SPOPL: variants seen among roughly 807,000 people sequenced by gnomAD.
SPOPL encodes speckle type BTB/POZ protein like, also known as speckle-type POZ protein-like.
In SPOPL, 23 loss-of-function variants were observed where a neutral mutation model predicts 53.8. That is an observed-to-expected ratio of 0.43 (90% CI 0.31 to 0.61). The LOEUF (loss-of-function observed/expected upper bound fraction) is 0.61. Among genes scored for constraint, SPOPL ranks in the 20% least tolerant of loss-of-function variants. The probability of loss-of-function intolerance (pLI) is 0.12; values close to 1 mark genes in which losing one functional copy is unlikely to be tolerated. For missense variants in SPOPL, 442 were observed against 466.9 expected, an observed-to-expected ratio of 0.95 and a Z score of 0.49; for synonymous variants, 164 against 149.7, an observed-to-expected ratio of 1.10 and a Z score of -0.70.
chr2:138,512,874 A>T (rs1375776900), intron 1 of SPOPL, among the ~76,000 whole-genome samples: 1 of 152,194 alleles, frequency 6.6e-6, no homozygotes. Flanking sequence ...ACTATTTGGG[A>T]TTTATTAAGT....
intron 1 of SPOPL, among the ~76,000 whole-genome samples, chr2:138,534,542 A>C (rs1468370854): frequency 1.3e-5 from 2 of 152,204 alleles, no homozygotes; most frequent in East Asian, 3.8e-4. Flanking sequence ...TTTTAATCAC[A>C]AAAGAAATGT....
At chr2:138,537,870 A>G (rs1044027287) in intron 1 of SPOPL, among the ~76,000 whole-genome samples, 2 of 151,836 alleles carry the variant, frequency 1.3e-5, no homozygotes, top group Non-Finnish European at 1.5e-5. Context: ...TTTTCACCAA[A>G]TTTTCTGGGG....
chr2:138,529,524 GTGTGTGTGTGTT>G, intron 1 of SPOPL, among the ~76,000 whole-genome samples: 1 of 148,210 alleles, frequency 6.7e-6, no homozygotes, highest in Non-Finnish European at 1.5e-5. Flanking sequence ...GTGTGTGTGT[GTGTGTGTGTGTT>G]TGCGTGCGCG....
intron 1 of SPOPL, among the ~76,000 whole-genome samples, chr2:138,541,421 G>A (rs896611640): frequency 5.3e-5 from 8 of 152,162 alleles, no homozygotes; most frequent in South Asian, 2.1e-4. Context: ...CAATTTCAGA[G>A]CCTGTTATTG....
chr2:138,539,527 T>A (rs935825752), intron 1 of SPOPL, among the ~76,000 whole-genome samples: 39 of 152,396 alleles, frequency 2.6e-4, no homozygotes, highest in Admixed American at 5.9e-4. Context: ...TTCATGTGTC[T>A]GTTGGCTGCA....
In SPOPL at chr2:138,565,002, A is replaced by G. The variant is rs561151208; in HGVS notation, c.1034+9A>G. ...AAAAACTGGAACAGCAAGTAAGATG[A>G]CATCAGTTTCTGACTCAAAGTTGCT... On this transcript the variant is annotated intron_variant, in intron 10 of 10. Transcript: ENST00000280098. 3.7e-6 allele frequency: 6 copies of G among 1,613,866 alleles called. No homozygotes were observed. The South Asian group carries it at 5.5e-5, about 15-fold the overall frequency.
In SPOPL at chr2:138,564,843, A is replaced by C. The variant is rs144951973; in HGVS notation, c.973A>C (p.Ile325Leu). The C allele has an allele frequency of 3.7e-6, 6 of 1,614,070 alleles. No individual in the cohort carries two copies. The highest frequency in any genetic ancestry group is 5.1e-6 in the Non-Finnish European group (6 of 1,180,012). ...GTTGAAAGCACAAGCCATAGACTTTATTAATAGGTAAGCTATGCTTGTATT... is the reference window on the plus strand; with the variant it reads ...GTTGAAAGCACAAGCCATAGACTTTCTTAATAGGTAAGCTATGCTTGTATT... ...EQLKAQAIDF[I>L]NRCSVLRQLG... Residue 325 changes from isoleucine to leucine, a missense_variant, in exon 9 of 11, where the codon ATT becomes CTT. Physicochemically the swap from Ile to Leu is conservative, Grantham distance 5. Coordinates refer to ENST00000280098, the MANE Select transcript of SPOPL (RefSeq NM_001001664.3).
At chr2:138,525,488 C>G (rs1274958199) in intron 1 of SPOPL, among the ~76,000 whole-genome samples, 1 of 152,066 alleles carries the variant, frequency 6.6e-6, no homozygotes, top group East Asian at 1.9e-4. Context: ...GTGTTATATA[C>G]TGCTTTTTTT....
intron 1 of SPOPL, among the ~76,000 whole-genome samples, chr2:138,505,620 AAAT>A (rs1684200553): frequency 1.6e-5 from 2 of 128,096 alleles, no homozygotes; most frequent in African/African-American, 5.3e-5. Flanking sequence ...AAAAAAAAAA[AAAT>A]AGTTAGTTGG....
intron 1 of SPOPL, among the ~76,000 whole-genome samples, chr2:138,518,815 A>G (rs1449941430): frequency 2.0e-5 from 3 of 152,276 alleles, no homozygotes; most frequent in Admixed American, 2.0e-4. Flanking sequence ...AAGTTTAAAC[A>G]GCAAGAATAA....
intron 1 of SPOPL, among the ~76,000 whole-genome samples, chr2:138,513,127 A>G (rs903284696): frequency 6.6e-6 from 1 of 152,224 alleles, no homozygotes; most frequent in Non-Finnish European, 1.5e-5. Flanking sequence ...GTTTTCTCTT[A>G]CAAATGTTTT....
chr2:138,522,563 G>GA (rs1251191694), intron 1 of SPOPL, among the ~76,000 whole-genome samples: 1 of 151,896 alleles, frequency 6.6e-6, no homozygotes, highest in African/African-American at 2.4e-5. Context: ...CCTTTAAATA[G>GA]AAATATATAT....
chr2:138,530,239 A>G (rs982218569), intron 1 of SPOPL, among the ~76,000 whole-genome samples: 14 of 152,148 alleles, frequency 9.2e-5, no homozygotes, highest in African/African-American at 1.9e-4. Flanking sequence ...GGTTGATTCT[A>G]TGTCTTTATT....
chr2:138,538,593 C>T (rs1421924481), intron 1 of SPOPL, among the ~76,000 whole-genome samples: 1 of 152,118 alleles, frequency 6.6e-6, no homozygotes. Flanking sequence ...ACACAAGAAC[C>T]CTTAAAAATA....
intron 1 of SPOPL, among the ~76,000 whole-genome samples, chr2:138,520,391 G>A (rs916121684): frequency 6.6e-6 from 1 of 152,132 alleles, no homozygotes; most frequent in Non-Finnish European, 1.5e-5. Context: ...TGTTTGTGTT[G>A]CTTAAAAATA....
chr2:138,564,608 A>G (rs968050304), intron 8 of SPOPL, 100 bp from the exon 9 acceptor site: 1 of 1,264,748 alleles, frequency 7.9e-7, no homozygotes, highest in Non-Finnish European at 1.1e-6. Flanking sequence ...ATCTTAAATA[A>G]TAATCTATTT....
At chr2:138,533,118 C>G (rs1203138741) in intron 1 of SPOPL, among the ~76,000 whole-genome samples, 3 of 152,112 alleles carry the variant, frequency 2.0e-5, no homozygotes, top group Non-Finnish European at 4.4e-5. Flanking sequence ...TATAAAATTT[C>G]CTATTATCCA....
rs1282459817 is a variant in SPOPL at position 138,569,651 on chromosome 2, T to G, written c.*571T>G. On this transcript the variant is annotated 3_prime_UTR_variant, in exon 11 of 11. Transcript: ENST00000280098. ...TTTATTTTTCATTTCAGGGGGCAAA[T>G]ATGCAATGAGTTGGCCTAGATTTTT... is the stretch of plus-strand genomic sequence containing the variant. 6.6e-6 allele frequency: 1 copy of G among 152,206 alleles called. No homozygotes were observed. Among genetic ancestry groups the G allele is most frequent in the African/African-American group, 2.4e-5 (1 of 41,434 alleles). The allele number at this position is 152,206 out of a possible 1,614,324, so 9.4% of individuals were successfully genotyped here. A position where few individuals can be genotyped will look rare whatever the true frequency, so the allele number is the denominator to read the frequency against.
intron 1 of SPOPL, among the ~76,000 whole-genome samples, chr2:138,541,473 AGG>A (rs1167396649): frequency 0.019 from 2,889 of 152,198 alleles, 87 homozygotes; most frequent in African/African-American, 0.065. Context: ...TAGTCTTGGG[AGG>A]GTGTATGTGT....
Sources: gnomAD v4.1 joint callset for allele counts (sites outside exome capture counted in the v4.1 genomes callset) on GRCh38, gnomAD v4.1.1 for gene constraint, MANE v1.5 for transcripts, NCBI Gene and HGNC (gene_info 2026-07-23, HGNC 2026-07-21) for gene names.